Variants in PTPRD observed in about 807,000 individuals in gnomAD.
PTPRD encodes receptor-type tyrosine-protein phosphatase delta.
Under a neutral mutation model 214.5 loss-of-function variants are expected in PTPRD, and 34 were observed. The observed-to-expected ratio is 0.16, with a 90% CI of 0.12 to 0.21. PTPRD has a LOEUF of 0.21. PTPRD is among the 10% of genes least tolerant of loss of function. PTPRD has a pLI of 1.00. For synonymous variants in PTPRD, 1,128 were observed against 845.7 expected, an observed-to-expected ratio of 1.33 and a Z score of -5.79; for missense variants, 2,545 against 2,398.7, an observed-to-expected ratio of 1.06 and a Z score of -1.27.
At chr9:9,418,173 T>C (rs1359564229) in intron 8 of PTPRD, among the ~76,000 whole-genome samples, 2 of 152,046 alleles carry the variant, frequency 1.3e-5, no homozygotes, top group African/African-American at 4.8e-5. Context: ...AACTTTCACA[T>C]TGCCTCTGGG....
chr9:9,725,875 T>A (rs1043532841), intron 7 of PTPRD, among the ~76,000 whole-genome samples: 3 of 152,140 alleles, frequency 2.0e-5, no homozygotes, highest in Non-Finnish European at 4.4e-5. Context: ...TCTCTAATCG[T>A]TGGATGTTTC....
chr9:8,752,980 G>A (rs956400009), intron 11 of PTPRD, among the ~76,000 whole-genome samples: 2 of 152,206 alleles, frequency 1.3e-5, no homozygotes, highest in African/African-American at 4.8e-5. Context: ...AGATAAATAA[G>A]TGTATGTTTT....
At chr9:10,439,708 A>AT (rs1350179257) in intron 2 of PTPRD, among the ~76,000 whole-genome samples, 7 of 151,938 alleles carry the variant, frequency 4.6e-5, no homozygotes, top group African/African-American at 1.7e-4. Flanking sequence ...ACTGTTTGGA[A>AT]TTTTCCACAA....
At chr9:9,230,346 T>C (rs1022167794) in intron 9 of PTPRD, among the ~76,000 whole-genome samples, 1 of 152,080 alleles carries the variant, frequency 6.6e-6, no homozygotes, top group African/African-American at 2.4e-5. Flanking sequence ...ATCAAAATGC[T>C]GGGAGGGTGG....
At chr9:9,670,333 G>A (rs972739810) in intron 7 of PTPRD, among the ~76,000 whole-genome samples, 1 of 152,098 alleles carries the variant, frequency 6.6e-6, no homozygotes, top group Admixed American at 6.6e-5. Context: ...GAGGTGACTT[G>A]GGTGCCATTA....
chr9:9,593,980 T>A (rs576879119), intron 7 of PTPRD, among the ~76,000 whole-genome samples: 7 of 152,070 alleles, frequency 4.6e-5, no homozygotes, highest in Admixed American at 1.3e-4. Context: ...TGGCTATCTA[T>A]TGGTATGACA....
chr9:8,999,359 A>C (rs1490174505), intron 11 of PTPRD, among the ~76,000 whole-genome samples: 2 of 152,098 alleles, frequency 1.3e-5, no homozygotes, highest in Non-Finnish European at 2.9e-5. Flanking sequence ...GTCAGCAGTC[A>C]TAAGCATGGA....
rs1381467250 is a variant in PTPRD at position 9,614,803 on chromosome 9, G to C, written c.-286-40022C>G. Among the ~76,000 whole-genome samples the C allele has an allele frequency of 6.6e-5, 10 of 152,166 alleles. 1 individual carries two copies. In the South Asian group the frequency reaches 1.9e-3, roughly 28 times the overall value. On this transcript the variant is annotated intron_variant, in intron 7 of 45. Coordinates refer to ENST00000381196, the MANE Select transcript of PTPRD (RefSeq NM_002839.4). The stretch of plus-strand genomic sequence containing the variant: ...AGCTGTAGAGCAGAACACAGTATTT[G>C]AACACATTTTTGTGGTGGGGTGATT...
intron 5 of PTPRD, among the ~76,000 whole-genome samples, chr9:9,798,093 A>G (rs550042129): frequency 7.2e-5 from 11 of 152,236 alleles, no homozygotes; most frequent in African/African-American, 2.6e-4. Context: ...AAATAAAACA[A>G]AAGAATTTAC....
intron 11 of PTPRD, among the ~76,000 whole-genome samples, chr9:8,886,172 T>C (rs1036772795): frequency 4.6e-5 from 7 of 152,194 alleles, no homozygotes; most frequent in Non-Finnish European, 8.8e-5. Context: ...GCCAGACATA[T>C]TGATATTTGG....
At chr9:9,008,244 T>TATTTATTTATTTATTTA (rs1567558345) in intron 11 of PTPRD, among the ~76,000 whole-genome samples, 1 of 150,650 alleles carries the variant, frequency 6.6e-6, no homozygotes. Flanking sequence ...TTTATTTATT[T>TATTTATTTATTTATTTA]TTGAGACAGA....
chr9:9,683,916 C>G (rs1424979505), intron 7 of PTPRD, among the ~76,000 whole-genome samples: 3 of 151,578 alleles, frequency 2.0e-5, no homozygotes, highest in East Asian at 3.9e-4. Flanking sequence ...TTATATGACT[C>G]CAGCAACCCA....
intron 4 of PTPRD, among the ~76,000 whole-genome samples, chr9:9,958,519 A>C (rs1314952630): frequency 6.6e-6 from 1 of 152,162 alleles, no homozygotes; most frequent in Non-Finnish European, 1.5e-5. Context: ...TGACAAGAGC[A>C]AAACTCCATC....
chr9:9,984,520 G>T (rs987280611), intron 4 of PTPRD, among the ~76,000 whole-genome samples: 1 of 152,154 alleles, frequency 6.6e-6, no homozygotes, highest in Admixed American at 6.5e-5. Flanking sequence ...CAGATTGGAC[G>T]CAGGTGAGCC....
intron 14 of PTPRD, among the ~76,000 whole-genome samples, chr9:8,543,775 T>C (rs1057215818): frequency 1.3e-4 from 20 of 152,104 alleles, no homozygotes; most frequent in African/African-American, 4.8e-4. Context: ...TGCAATGGCA[T>C]GGTCTAGGCT....
intron 2 of PTPRD, among the ~76,000 whole-genome samples, chr9:10,455,057 T>A (rs112069163): frequency 0.012 from 1,826 of 151,832 alleles, 34 homozygotes; most frequent in African/African-American, 0.039. Context: ...CCATACCATC[T>A]CTCAACTAAC....
At chr9:8,721,803 A>G (rs1049653382) in intron 12 of PTPRD, among the ~76,000 whole-genome samples, 1 of 152,214 alleles carries the variant, frequency 6.6e-6, no homozygotes, top group African/African-American at 2.4e-5. Flanking sequence ...CGCACAGCTG[A>G]TTTCAAGAGC....
chr9:9,359,599 T>A (rs2055218140), intron 9 of PTPRD, among the ~76,000 whole-genome samples: 1 of 151,224 alleles, frequency 6.6e-6, no homozygotes, highest in Non-Finnish European at 1.5e-5. Context: ...CAACTAAACC[T>A]AGTCATTACT....
At chr9:10,485,413 T>C (rs1333756094) in intron 2 of PTPRD, among the ~76,000 whole-genome samples, 8 of 152,114 alleles carry the variant, frequency 5.3e-5, no homozygotes, top group South Asian at 2.1e-4. Context: ...ATTGGCATTT[T>C]GACAGGAATT....
Sources: allele counts gnomAD v4.1 joint callset (sites outside exome capture counted in the v4.1 genomes callset), GRCh38; gene constraint gnomAD v4.1.1; transcripts MANE v1.5; gene names NCBI Gene and HGNC (gene_info 2026-07-23, HGNC 2026-07-21).